The following USP6 variants were observed in gnomAD, a reference collection of about 807,000 sequenced individuals.
USP6 encodes the protein ubiquitin carboxyl-terminal hydrolase 6.
USP6 carries 128 observed loss-of-function variants against 175.7 expected under a neutral mutation model. The observed-to-expected ratio is 0.73, with a 90% CI of 0.63 to 0.84. USP6 has a LOEUF of 0.84. Among genes scored for constraint, USP6 ranks in the 40% least tolerant of loss-of-function variants. The probability of loss-of-function intolerance (pLI) is 0.00; values close to 1 mark genes in which losing one functional copy is unlikely to be tolerated. For synonymous variants in USP6, 562 were observed against 630.6 expected, an observed-to-expected ratio of 0.89 and a Z score of 1.63; for missense variants, 1,498 against 1,760.3, an observed-to-expected ratio of 0.85 and a Z score of 2.67.
intron 31 of USP6, among the ~76,000 whole-genome samples, chr17:5,159,789 G>A (rs1035886972): frequency 1.3e-5 from 2 of 151,880 alleles, no homozygotes; most frequent in Admixed American, 6.6e-5. Context: ...ATGGCAAAAT[G>A]CTGTCTTTAC....
rs543038782 is a variant in USP6 at position 5,173,495 on chromosome 17, A to G, written c.*517A>G. 30 of 220,156 alleles carry G rather than the reference A, an allele frequency of 1.4e-4. No individual in the cohort carries two copies. The highest frequency in any genetic ancestry group is 1.4e-4 in the Non-Finnish European group (15 of 109,710). 13.6% of individuals were successfully genotyped at this position (220,156 alleles called of 1,614,324 possible). On this transcript the variant is annotated 3_prime_UTR_variant, in exon 38 of 38. Coordinates refer to ENST00000574788, the MANE Select transcript of USP6 (RefSeq NM_001304284.2). ...CTTACGGCATGGACAAGGATTTTTC[A>G]ATTTATTTTTTAAACTGTTTCCATA... is the stretch of plus-strand genomic sequence containing the variant.
intron 31 of USP6, among the ~76,000 whole-genome samples, chr17:5,156,607 GTAGATCATTTTC>G (rs1414239735): frequency 6.6e-6 from 1 of 152,000 alleles, no homozygotes; most frequent in East Asian, 1.9e-4. Flanking sequence ...CACCCAGCCT[GTAGATCATTTTC>G]TTGCCATCAT....
intron 3 of USP6, among the ~76,000 whole-genome samples, 155 bp from the exon 4 acceptor site, chr17:5,121,220 C>T (rs758373643): frequency 2.6e-4 from 39 of 152,186 alleles, no homozygotes; most frequent in Non-Finnish European, 4.9e-4. Context: ...CTGAATTCCT[C>T]CAAGGTCCAA....
At chr17:5,143,877 G>C (rs1263172389) in intron 25 of USP6, among the ~76,000 whole-genome samples, 3 of 152,044 alleles carry the variant, frequency 2.0e-5, no homozygotes, top group Non-Finnish European at 4.4e-5. Context: ...AATGAGCCAA[G>C]ATCGCACCAC....
chr17:5,170,791 G>A lies in USP6; in HGVS notation c.3830G>A (p.Cys1277Tyr), dbSNP rs372010919. 1.1e-5 allele frequency: 18 copies of A among 1,613,876 alleles called. No individual in the cohort carries two copies. Among genetic ancestry groups the A allele is most frequent in the Non-Finnish European group, 1.4e-5 (16 of 1,179,862 alleles). The change falls in exon 36 of 38, where the codon TGT becomes TAT. Residue 1277 changes from cysteine (C) to tyrosine (Y), a missense_variant. Cys to Tyr is a radical substitution (Grantham distance 194). This residue lies in a region of USP6 where 1,217 missense variants were observed against 1,500.8 expected (regional missense o/e 0.81). Transcript: ENST00000574788. ...GGATTCCTTTATGAGCATGAAGCAT[G>A]TGGCAATGGCTGTGGCGATGGCTAC... Reference protein sequence around the residue: ...ANGFLYEHEACGNGCGDGYSN... With the variant: ...ANGFLYEHEAYGNGCGDGYSN...
chr17:5,145,894 C>A, intron 27 of USP6, 129 bp from the exon 28 acceptor site: 1 of 1,295,326 alleles, frequency 7.7e-7, no homozygotes, highest in East Asian at 2.7e-5. Context: ...TAGTGTTTAC[C>A]CATAAAATAA....
Position 5,144,810 on chromosome 17 carries a change from T to C in USP6, c.1939T>C (p.Tyr647His), listed in dbSNP as rs767971300. The C allele has an allele frequency of 6.2e-7, 1 of 1,613,196 alleles. No homozygotes were observed. Among genetic ancestry groups the C allele is most frequent in the Non-Finnish European group, 8.5e-7 (1 of 1,179,322 alleles). ...TCTCAACCGAGTCCATGAAAAGCCATATGTGGAACTGAAGGACAGTGATGG... is the reference window on the plus strand; with the variant it reads ...TCTCAACCGAGTCCATGAAAAGCCACATGTGGAACTGAAGGACAGTGATGG... ...EDLNRVHEKP[Y>H]VELKDSDGRP... The change falls in exon 26 of 38, where the codon TAT (tyrosine) becomes CAT (histidine). Residue 647 changes from tyrosine (Y) to histidine (H), a missense_variant. Tyr to His is a moderately conservative substitution (Grantham distance 83). Around this residue, in one of 2 missense-constraint regions of USP6, gnomAD observed 1,217 missense variants for 1,500.8 expected, o/e 0.81. Transcript: ENST00000574788.
chr17:5,149,698 T>G (rs542561302), intron 30 of USP6, among the ~76,000 whole-genome samples: 51 of 151,774 alleles, frequency 3.4e-4, no homozygotes, highest in African/African-American at 1.2e-3. Context: ...TGGGTTTTGT[T>G]TTTTTTTTCT....
intron 30 of USP6, among the ~76,000 whole-genome samples, chr17:5,151,804 C>T (rs149509576): frequency 8.7e-4 from 132 of 152,246 alleles, no homozygotes; most frequent in African/African-American, 3.1e-3. Context: ...AAACTTGGCA[C>T]CTACCTTTCG....
chr17:5,134,354 A>C, intron 15 of USP6: 1 of 279,448 alleles, frequency 3.6e-6, no homozygotes, highest in Non-Finnish European at 6.9e-6. Context: ...ACAGCACCAA[A>C]TGCTGGGAGA....
Position 5,173,001 on chromosome 17 carries a change from C to A in USP6, c.*23C>A. ...TAAAGCTACCACTCTGGCTGCTAGA[C>A]AGCTTGGTGGCGAGGGAGATGACTC... On this transcript the variant is annotated 3_prime_UTR_variant, in exon 38 of 38. Coordinates refer to ENST00000574788, the MANE Select transcript of USP6 (RefSeq NM_001304284.2). 2.5e-6 allele frequency: 4 copies of A among 1,609,982 alleles called. No individual in the cohort carries two copies. The highest frequency in any genetic ancestry group is 2.5e-6 in the Non-Finnish European group (3 of 1,176,714).
At chr17:5,133,630 A>T in intron 14 of USP6, 80 bp downstream of exon 14, 1 of 639,436 alleles carries the variant, frequency 1.6e-6, no homozygotes, top group East Asian at 4.1e-5. Flanking sequence ...CGTCAAGCCC[A>T]CCCTGGGGTG....
intron 28 of USP6, among the ~76,000 whole-genome samples, chr17:5,146,688 CTAAAT>C (rs1256604078): frequency 6.6e-6 from 1 of 152,136 alleles, no homozygotes; most frequent in African/African-American, 2.4e-5. Context: ...ATTGCTTACT[CTAAAT>C]TAAGCTCCTG....
chr17:5,151,573 G>T (rs995502401), intron 30 of USP6, among the ~76,000 whole-genome samples: 5 of 151,956 alleles, frequency 3.3e-5, no homozygotes, highest in Non-Finnish European at 5.9e-5. Flanking sequence ...ATCAAGATTG[G>T]ATATCATCCA....
intron 16 of USP6, 111 bp downstream of exon 16, chr17:5,135,393 GGA>G: frequency 2.9e-6 from 4 of 1,377,338 alleles, no homozygotes; most frequent in Non-Finnish European, 4.1e-6. Context: ...TGACTCACCA[GGA>G]TATAGGAGGT....
At chr17:5,125,678 GCACACACACACACACACACACA>G (rs71151842) in intron 5 of USP6, 121 bp from the exon 6 acceptor site, 2 of 137,684 alleles carry the variant, frequency 1.5e-5, no homozygotes, top group East Asian at 4.3e-4. Flanking sequence ...ACACGCACAT[GCACACACACACACACACACACA>G]CACACACACA....
intron 7 of USP6, among the ~76,000 whole-genome samples, chr17:5,127,881 C>G (rs967964247): frequency 7.9e-5 from 12 of 152,212 alleles, no homozygotes; most frequent in African/African-American, 2.7e-4. Context: ...AGAACAACGT[C>G]TGCACATGTT....
At chr17:5,161,787 G>A (rs896547539) in intron 32 of USP6, among the ~76,000 whole-genome samples, 173 bp downstream of exon 32, 1 of 152,188 alleles carries the variant, frequency 6.6e-6, no homozygotes, top group African/African-American at 2.4e-5. Context: ...AAGCCGAGGC[G>A]GGTGGATCAC....
chr17:5,130,781 C>T, intron 11 of USP6, 97 bp downstream of exon 11: 1 of 1,472,880 alleles, frequency 6.8e-7, no homozygotes, highest in South Asian at 1.2e-5. Flanking sequence ...CAGGACATGT[C>T]TCGCTAGGTC....
Sources: allele counts gnomAD v4.1 joint callset (sites outside exome capture counted in the v4.1 genomes callset), GRCh38; gene constraint gnomAD v4.1.1; regional missense constraint gnomAD v4.1.1; transcripts MANE v1.5; gene names NCBI Gene and HGNC (gene_info 2026-07-23, HGNC 2026-07-21).